The following TAFA1 variants were observed in gnomAD, a reference collection of about 807,000 sequenced individuals.
The protein encoded by TAFA1 is TAFA chemokine like family member 1, also known as chemokine-like protein TAFA-1.
Under a neutral mutation model 18.5 loss-of-function variants are expected in TAFA1, and 4 were observed. That is an observed-to-expected ratio of 0.22 (90% CI 0.11 to 0.49). TAFA1 has a LOEUF of 0.49. Ranked by LOEUF, TAFA1 falls within the 20% of genes least tolerant of loss-of-function variation. The pLI, the probability that TAFA1 is intolerant of heterozygous loss-of-function variation, is 0.98. For missense variants in TAFA1, 147 were observed against 169.0 expected, an observed-to-expected ratio of 0.87 and a Z score of 0.72; for synonymous variants, 56 against 55.2, an observed-to-expected ratio of 1.01 and a Z score of -0.06.
At chr3:68,197,182 T>C (rs569567345) in intron 2 of TAFA1, among the ~76,000 whole-genome samples, 11 of 151,804 alleles carry the variant, frequency 7.2e-5, no homozygotes, top group Non-Finnish European at 1.5e-4. Context: ...TTTACTATGT[T>C]AAGTATTGCC....
intron 2 of TAFA1, among the ~76,000 whole-genome samples, chr3:68,131,562 A>C (rs1233976507): frequency 1.3e-5 from 2 of 152,252 alleles, no homozygotes; most frequent in African/African-American, 2.4e-5. Flanking sequence ...TAGATTAAGC[A>C]AACTTTTTAG....
chr3:68,447,824 C>T (rs1269613190), intron 3 of TAFA1, among the ~76,000 whole-genome samples: 1 of 152,212 alleles, frequency 6.6e-6, no homozygotes, highest in Non-Finnish European at 1.5e-5. Flanking sequence ...AAGCTATATT[C>T]TGTTCTTAGG....
At chr3:68,541,067 A>T (rs1051838717) in intron 4 of TAFA1, among the ~76,000 whole-genome samples, 1 of 152,208 alleles carries the variant, frequency 6.6e-6, no homozygotes, top group Non-Finnish European at 1.5e-5. Context: ...AAAGCAGAGG[A>T]TGTACCTGTT....
chr3:68,200,600 A>T (rs1241384085), intron 2 of TAFA1, among the ~76,000 whole-genome samples: 1 of 151,608 alleles, frequency 6.6e-6, no homozygotes, highest in Non-Finnish European at 1.5e-5. Context: ...TTCATCTGTT[A>T]TTAAATTTGT....
intron 2 of TAFA1, among the ~76,000 whole-genome samples, chr3:68,278,052 A>G (rs1458821777): frequency 6.6e-6 from 1 of 152,154 alleles, no homozygotes; most frequent in African/African-American, 2.4e-5. Flanking sequence ...TTTTCTGTAG[A>G]TAGGCTAGAA....
intron 2 of TAFA1, among the ~76,000 whole-genome samples, chr3:68,158,546 T>C (rs2106934880): frequency 6.6e-6 from 1 of 151,892 alleles, no homozygotes; most frequent in East Asian, 1.9e-4. Context: ...AATCAAAAAG[T>C]CTTACCCAGT....
At chr3:68,166,988 A>G (rs1460539367) in intron 2 of TAFA1, among the ~76,000 whole-genome samples, 1 of 152,144 alleles carries the variant, frequency 6.6e-6, no homozygotes, top group East Asian at 1.9e-4. Context: ...TATTCTCAAT[A>G]TTGTTGGTGG....
At chr3:68,073,988 T>C (rs2064791296) in intron 2 of TAFA1, among the ~76,000 whole-genome samples, 1 of 152,170 alleles carries the variant, frequency 6.6e-6, no homozygotes, top group Non-Finnish European at 1.5e-5. Context: ...TACATTATAA[T>C]GTATAATGAA....
At chr3:68,081,256 G>C (rs929014367) in intron 2 of TAFA1, among the ~76,000 whole-genome samples, 4 of 151,976 alleles carry the variant, frequency 2.6e-5, no homozygotes, top group African/African-American at 9.7e-5. Context: ...CCTTTGGTTT[G>C]AATGTCCTCC....
chr3:68,128,343 T>C (rs965168153), intron 2 of TAFA1, among the ~76,000 whole-genome samples: 3 of 152,152 alleles, frequency 2.0e-5, no homozygotes, highest in African/African-American at 7.2e-5. Flanking sequence ...GTGTGATAAA[T>C]AGGAAATTGT....
chr3:68,112,919 A>G (rs1242784546), intron 2 of TAFA1, among the ~76,000 whole-genome samples: 3 of 152,182 alleles, frequency 2.0e-5, no homozygotes, highest in Non-Finnish European at 4.4e-5. Flanking sequence ...AAAAAGACCT[A>G]CACATAAATA....
intron 2 of TAFA1, among the ~76,000 whole-genome samples, chr3:68,292,694 ATTGTT>A (rs796215292): frequency 3.0e-4 from 45 of 152,108 alleles, no homozygotes; most frequent in African/African-American, 9.4e-4. Flanking sequence ...CACCTGGCTA[ATTGTT>A]TTGTTTTGTT....
chr3:68,078,356 G>A (rs1321192627), intron 2 of TAFA1, among the ~76,000 whole-genome samples: 1 of 151,968 alleles, frequency 6.6e-6, no homozygotes, highest in South Asian at 2.1e-4. Context: ...TGTTGAATAG[G>A]AGTGGTGAGA....
At chr3:68,211,133 G>T (rs2066591617) in intron 2 of TAFA1, among the ~76,000 whole-genome samples, 1 of 151,992 alleles carries the variant, frequency 6.6e-6, no homozygotes, top group African/African-American at 2.4e-5. Context: ...TGTATTTTAT[G>T]ACCTAGCCTC....
intron 3 of TAFA1, among the ~76,000 whole-genome samples, chr3:68,511,009 A>G (rs1405328887): frequency 2.6e-5 from 4 of 152,170 alleles, no homozygotes; most frequent in African/African-American, 9.6e-5. Context: ...TCAAAAGTAC[A>G]GGAGAAAGGT....
chr3:68,129,965 G>A (rs1208283275), intron 2 of TAFA1, among the ~76,000 whole-genome samples: 1 of 152,174 alleles, frequency 6.6e-6, no homozygotes, highest in East Asian at 1.9e-4. Flanking sequence ...AAGCCTATAT[G>A]TGTCTTTGAC....
chr3:68,315,339 C>T (rs72626967), intron 2 of TAFA1, among the ~76,000 whole-genome samples: 3,940 of 152,224 alleles, frequency 0.026, 91 homozygotes, highest in East Asian at 0.098. Flanking sequence ...TGTGGAAGGA[C>T]ATCATGTCCT....
intron 3 of TAFA1, among the ~76,000 whole-genome samples, chr3:68,519,976 A>G (rs1318806085): frequency 1.3e-5 from 2 of 152,240 alleles, no homozygotes; most frequent in African/African-American, 2.4e-5. Context: ...ATGAGATGAA[A>G]TGAAAGGAAG....
intron 2 of TAFA1, among the ~76,000 whole-genome samples, chr3:68,126,606 AC>A (rs1344261120): frequency 6.6e-6 from 1 of 152,182 alleles, no homozygotes; most frequent in African/African-American, 2.4e-5. Context: ...TTATGGGCCC[AC>A]CCCAGGTTTG....
Sources: gnomAD v4.1 joint callset for allele counts (sites outside exome capture counted in the v4.1 genomes callset) on GRCh38, gnomAD v4.1.1 for gene constraint, MANE v1.5 for transcripts, NCBI Gene and HGNC (gene_info 2026-07-23, HGNC 2026-07-21) for gene names.